The following TRPM3 variants were observed in gnomAD, a reference collection of about 807,000 sequenced individuals.
The protein encoded by TRPM3 is long transient receptor potential channel 3.
TRPM3 carries 77 observed loss-of-function variants against 181.2 expected under a neutral mutation model. That is an observed-to-expected ratio of 0.42 (90% confidence interval 0.35 to 0.51). The LOEUF (loss-of-function observed/expected upper bound fraction) is 0.51. Among genes scored for constraint, TRPM3 ranks in the 20% least tolerant of loss-of-function variants. The pLI, the probability that TRPM3 is intolerant of heterozygous loss-of-function variation, is 0.01. For synonymous variants in TRPM3, 745 were observed against 796.4 expected (o/e 0.94, Z 1.09); for missense variants, 1,759 against 2,196.7 (o/e 0.80, Z 3.98).
chr9:71,253,426 G>C (rs796704241), intron 1 of TRPM3, among the ~76,000 whole-genome samples: 45 of 152,278 alleles, frequency 3.0e-4, no homozygotes, highest in African/African-American at 1.1e-3. Flanking sequence ...CATCTAGTTG[G>C]TAGAGGCTAG....
intron 1 of TRPM3, among the ~76,000 whole-genome samples, chr9:71,224,792 A>G (rs1162432811): frequency 6.6e-6 from 1 of 152,188 alleles, no homozygotes; most frequent in African/African-American, 2.4e-5. Context: ...AAGAAAAAAA[A>G]AAGAAAGAAA....
chr9:70,656,871 A>G (rs1436250121), intron 9 of TRPM3, among the ~76,000 whole-genome samples: 2 of 152,110 alleles, frequency 1.3e-5, no homozygotes, highest in Non-Finnish European at 2.9e-5. Flanking sequence ...TATGTATAAA[A>G]CAAGGTAAAA....
At chr9:71,114,163 C>A (rs2071759711) in intron 1 of TRPM3, among the ~76,000 whole-genome samples, 2 of 152,120 alleles carry the variant, frequency 1.3e-5, no homozygotes, top group African/African-American at 2.4e-5. Flanking sequence ...ATGCATTAAA[C>A]CTTGAAGAAT....
intron 1 of TRPM3, among the ~76,000 whole-genome samples, chr9:71,288,184 T>C (rs1190253429): frequency 1.3e-5 from 2 of 151,182 alleles, no homozygotes; most frequent in East Asian, 1.9e-4. Flanking sequence ...ATTAAATATA[T>C]TTTTAACTTA....
At chr9:70,747,014 A>G (rs1240784052) in intron 8 of TRPM3, among the ~76,000 whole-genome samples, 2 of 152,218 alleles carry the variant, frequency 1.3e-5, no homozygotes, top group African/African-American at 4.8e-5. Context: ...AACAAAATTT[A>G]TAGATACTGA....
At chr9:70,856,864 A>G (rs2095403115) in intron 3 of TRPM3, among the ~76,000 whole-genome samples, 1 of 152,186 alleles carries the variant, frequency 6.6e-6, no homozygotes, top group Admixed American at 6.6e-5. Context: ...ACACTTATTT[A>G]CCTGGCCCAC....
At chr9:71,051,955 C>T (rs1167498192) in intron 1 of TRPM3, among the ~76,000 whole-genome samples, 4 of 151,840 alleles carry the variant, frequency 2.6e-5, no homozygotes, top group African/African-American at 9.7e-5. Flanking sequence ...TTCCGTATCT[C>T]GAAGAAAAGA....
At chr9:71,027,067 A>G (rs1369736743) in intron 1 of TRPM3, among the ~76,000 whole-genome samples, 2 of 152,102 alleles carry the variant, frequency 1.3e-5, no homozygotes, top group Admixed American at 6.5e-5. Flanking sequence ...ACCACCCATC[A>G]AAGTGTTGTG....
chr9:70,789,059 C>T (rs547578371), intron 6 of TRPM3, among the ~76,000 whole-genome samples: 2 of 152,286 alleles, frequency 1.3e-5, no homozygotes, highest in Non-Finnish European at 2.9e-5. Flanking sequence ...CCATTCTCCT[C>T]TTTCTTTCTT....
intron 1 of TRPM3, among the ~76,000 whole-genome samples, chr9:71,302,790 AAAGG>A (rs1169582214): frequency 1.3e-5 from 2 of 152,148 alleles, no homozygotes; most frequent in South Asian, 2.1e-4. Flanking sequence ...CTAAAAAAAA[AAAGG>A]AAGGAAGGAA....
chr9:71,352,275 G>T (rs2091684173), intron 1 of TRPM3, among the ~76,000 whole-genome samples: 1 of 152,018 alleles, frequency 6.6e-6, no homozygotes, highest in Non-Finnish European at 1.5e-5. Flanking sequence ...TAATTCAGAA[G>T]AAACATTAAT....
At chr9:70,908,726 G>C (rs1264357854) in intron 1 of TRPM3, among the ~76,000 whole-genome samples, 2 of 152,172 alleles carry the variant, frequency 1.3e-5, no homozygotes, top group Non-Finnish European at 2.9e-5. Context: ...CATATGAACA[G>C]TTATTAGAAA....
At chr9:71,413,903 G>A (rs1231227553) in intron 1 of TRPM3, among the ~76,000 whole-genome samples, 1 of 149,388 alleles carries the variant, frequency 6.7e-6, no homozygotes, top group South Asian at 2.1e-4. Flanking sequence ...TTCTGTTACA[G>A]TCACATAAAA....
At chr9:70,915,024 C>T (rs577175958) in intron 1 of TRPM3, among the ~76,000 whole-genome samples, 2 of 152,242 alleles carry the variant, frequency 1.3e-5, no homozygotes, top group African/African-American at 4.8e-5. Context: ...CAATAAATAC[C>T]TACCTCTTCA....
intron 1 of TRPM3, among the ~76,000 whole-genome samples, chr9:70,935,199 C>G (rs1189541257): frequency 6.6e-6 from 1 of 152,116 alleles, no homozygotes; most frequent in African/African-American, 2.4e-5. Flanking sequence ...TCTTTCTTCT[C>G]TAGACTTACA....
chr9:70,567,877 C>T (rs1033004588), intron 22 of TRPM3, among the ~76,000 whole-genome samples: 3 of 152,060 alleles, frequency 2.0e-5, no homozygotes, highest in Non-Finnish European at 4.4e-5. Flanking sequence ...AAAAAGGGGA[C>T]AGTTAATATT....
rs996941887 is a variant in TRPM3 at position 71,222,725 on chromosome 9, C to T, written c.183+223928G>A. Among the ~76,000 whole-genome samples the T allele has an allele frequency of 4.6e-5, 7 of 152,132 alleles. No homozygotes were observed. In the East Asian group the frequency reaches 5.8e-4, roughly 13 times the overall value. ...CCCCCATCCCCCAGCAGCAGCCATA[C>T]GGTGTGGAAAGAGAATCTGTGTGCT... On this transcript the variant is annotated intron_variant, in intron 1 of 24. Transcript: ENST00000357533.
intron 1 of TRPM3, among the ~76,000 whole-genome samples, chr9:71,358,006 A>G (rs1005359172): frequency 3.9e-5 from 6 of 152,206 alleles, no homozygotes; most frequent in African/African-American, 1.4e-4. Flanking sequence ...GGAGTAGGAA[A>G]AAGTGTAGAA....
intron 1 of TRPM3, among the ~76,000 whole-genome samples, chr9:71,312,581 C>A (rs1027703907): frequency 6.6e-6 from 1 of 152,092 alleles, no homozygotes; most frequent in Non-Finnish European, 1.5e-5. Context: ...AACTTACATC[C>A]ACAAGAAACA....
Sources: gnomAD v4.1 joint callset for allele counts (sites outside exome capture counted in the v4.1 genomes callset) on GRCh38, gnomAD v4.1.1 for gene constraint, MANE v1.5 for transcripts, NCBI Gene and HGNC (gene_info 2026-07-23, HGNC 2026-07-21) for gene names.